The following HPSE2 variants were observed in gnomAD, a reference collection of about 807,000 sequenced individuals.
HPSE2 encodes heparanase 2 (inactive).
HPSE2 carries 38 observed loss-of-function variants against 60.5 expected under a neutral mutation model. The observed-to-expected ratio is 0.63, with a 90% CI of 0.48 to 0.82. The LOEUF (loss-of-function observed/expected upper bound fraction) is 0.82, where lower values mean the gene tolerates loss of function less well. Ranked by LOEUF, HPSE2 falls within the 40% of genes least tolerant of loss-of-function variation. The pLI is 0.00. For missense variants in HPSE2, 713 were observed against 740.4 expected (o/e 0.96, Z 0.43); for synonymous variants, 295 against 293.2 (o/e 1.01, Z -0.06).
chr10:99,070,971 G>A (rs1196313087), intron 3 of HPSE2, among the ~76,000 whole-genome samples: 2 of 152,086 alleles, frequency 1.3e-5, no homozygotes, highest in East Asian at 3.8e-4. Context: ...CAACAAACGT[G>A]GGAGTGAAAA....
intron 9 of HPSE2, among the ~76,000 whole-genome samples, chr10:98,552,531 C>G (rs1433280775): frequency 6.6e-6 from 1 of 152,140 alleles, no homozygotes; most frequent in Non-Finnish European, 1.5e-5. Context: ...AGTGAATGAT[C>G]TAAGAATGTA....
intron 3 of HPSE2, among the ~76,000 whole-genome samples, chr10:98,825,698 T>C (rs1364052757): frequency 1.3e-5 from 2 of 152,094 alleles, no homozygotes; most frequent in Non-Finnish European, 2.9e-5. Context: ...ATTGCTAGGA[T>C]TGGCTCAAGC....
At chr10:98,997,795 C>T (rs1326536183) in intron 3 of HPSE2, among the ~76,000 whole-genome samples, 2 of 152,186 alleles carry the variant, frequency 1.3e-5, no homozygotes, top group Non-Finnish European at 2.9e-5. Flanking sequence ...TGACACCTCA[C>T]AAAAATTTAG....
At chr10:98,726,650 TA>T (rs1310100743) in intron 4 of HPSE2, among the ~76,000 whole-genome samples, 3 of 147,508 alleles carry the variant, frequency 2.0e-5, no homozygotes, top group African/African-American at 4.9e-5. Context: ...ATAATAATAA[TA>T]ATAATAATAA....
the HPSE2 span, among the ~76,000 whole-genome samples, chr10:99,267,711 C>T: frequency 4.0e-5 from 6 of 149,588 alleles, no homozygotes; most frequent in South Asian, 4.2e-4. Context: ...ACCTGGGAGG[C>T]GGAGGTTGCA....
chr10:99,240,008 G>A (rs1442985921), upstream of HPSE2, among the ~76,000 whole-genome samples: 2 of 151,906 alleles, frequency 1.3e-5, no homozygotes, highest in African/African-American at 4.8e-5. Flanking sequence ...GACCAACATA[G>A]TGAAACCCAG....
At chr10:98,544,340 G>C (rs1465829520) in intron 9 of HPSE2, among the ~76,000 whole-genome samples, 4 of 152,172 alleles carry the variant, frequency 2.6e-5, no homozygotes, top group African/African-American at 7.2e-5. Context: ...AGTGTAAAGA[G>C]GGAAATTTAT....
chr10:99,081,832 A>T (rs544161751), intron 3 of HPSE2, among the ~76,000 whole-genome samples: 5 of 151,948 alleles, frequency 3.3e-5, no homozygotes, highest in African/African-American at 1.2e-4. Flanking sequence ...GAGACAGGGT[A>T]TCACTGTGTT....
chr10:99,104,101 A>C (rs1844137039), intron 3 of HPSE2, among the ~76,000 whole-genome samples: 1 of 152,190 alleles, frequency 6.6e-6, no homozygotes, highest in Non-Finnish European at 1.5e-5. Flanking sequence ...AAAACACCAA[A>C]AGCAATGGTA....
intron 3 of HPSE2, among the ~76,000 whole-genome samples, chr10:98,748,742 A>G (rs1949685098): frequency 6.6e-6 from 1 of 152,166 alleles, no homozygotes; most frequent in Admixed American, 6.5e-5. Context: ...AGGGTCATGG[A>G]GAACAACAAC....
chr10:98,483,518 G>A (rs1006075611), intron 10 of HPSE2, among the ~76,000 whole-genome samples: 1 of 152,190 alleles, frequency 6.6e-6, no homozygotes, highest in African/African-American at 2.4e-5. Flanking sequence ...TAGTCCAAGG[G>A]AAACGTGTGT....
At chr10:98,465,399 C>G in intron 11 of HPSE2, among the ~76,000 whole-genome samples, 1 of 152,164 alleles carries the variant, frequency 6.6e-6, no homozygotes, top group Non-Finnish European at 1.5e-5. Flanking sequence ...GCCATACAGC[C>G]AATGAGTGGT....
chr10:98,780,165 T>A (rs2134449275), intron 3 of HPSE2, among the ~76,000 whole-genome samples: 1 of 152,236 alleles, frequency 6.6e-6, no homozygotes. Context: ...GTTTACAAAG[T>A]GCTCAGAAAG....
At chr10:99,302,216 A>G in the HPSE2 span, among the ~76,000 whole-genome samples, 5 of 152,134 alleles carry the variant, frequency 3.3e-5, no homozygotes, top group African/African-American at 1.2e-4. Context: ...CCCTCCAATT[A>G]GGAAAAGACT....
chr10:98,591,335 C>G lies in HPSE2; in HGVS notation c.1320+23569G>C, dbSNP rs111827661. The stretch of plus-strand genomic sequence containing the variant: ...ATTAATATCATTGATCATCATTCTT[C>G]TCACAATTAATTGGCATCCAGAGAC... On this transcript the variant is annotated intron_variant, in intron 9 of 11. Coordinates refer to ENST00000370552, the MANE Select transcript of HPSE2 (RefSeq NM_021828.5). Among the ~76,000 whole-genome samples, 652 of 152,254 alleles carry G rather than the reference C, an allele frequency of 4.3e-3. 3 individuals carry two copies. The highest frequency in any genetic ancestry group is 0.015 in the African/African-American group (628 of 41,554).
At chr10:99,144,532 G>A in intron 2 of HPSE2, 133 bp from the exon 3 acceptor site, 4 of 1,013,828 alleles carry the variant, frequency 3.9e-6, no homozygotes, top group African/African-American at 1.6e-5. Flanking sequence ...CTAAAGAGAT[G>A]CAGAAGTAAT....
chr10:99,226,739 C>T (rs1849486276), intron 2 of HPSE2, among the ~76,000 whole-genome samples: 1 of 151,910 alleles, frequency 6.6e-6, no homozygotes, highest in Non-Finnish European at 1.5e-5. Flanking sequence ...AATTTGTGGA[C>T]ATATATTAAA....
intron 3 of HPSE2, among the ~76,000 whole-genome samples, chr10:98,986,533 G>T (rs1589467174): frequency 6.6e-6 from 1 of 151,394 alleles, no homozygotes; most frequent in Non-Finnish European, 1.5e-5. Flanking sequence ...GCCCACAAGA[G>T]AAAGCAGGAA....
chr10:99,286,905 AT>A, the HPSE2 span, among the ~76,000 whole-genome samples: 3 of 152,126 alleles, frequency 2.0e-5, no homozygotes, highest in African/African-American at 7.2e-5. Context: ...TTATCATCCC[AT>A]TTTTTGAATA....
Sources: gnomAD v4.1 joint callset for allele counts (sites outside exome capture counted in the v4.1 genomes callset) on GRCh38, gnomAD v4.1.1 for gene constraint, MANE v1.5 for transcripts, NCBI Gene and HGNC (gene_info 2026-07-23, HGNC 2026-07-21) for gene names.